The following UTRN variants were observed in gnomAD, a reference collection of about 807,000 sequenced individuals.
UTRN encodes utrophin, also known as dystrophin-related protein 1.
In UTRN, 283 loss-of-function variants were observed where a neutral mutation model predicts 463.9. That is an observed-to-expected ratio of 0.61 (90% CI 0.55 to 0.67). UTRN has a LOEUF of 0.67. UTRN is among the 30% of genes least tolerant of loss of function. UTRN has a pLI of 0.00. For synonymous variants in UTRN, 1,442 were observed against 1,431.5 expected (o/e 1.01, Z -0.17); for missense variants, 3,922 against 4,084.3 (o/e 0.96, Z 1.08).
chr6:144,314,007 A>G (rs1440428369), intron 2 of UTRN, among the ~76,000 whole-genome samples: 1 of 152,198 alleles, frequency 6.6e-6, no homozygotes, highest in African/African-American at 2.4e-5. Flanking sequence ...TTGTAATGAA[A>G]TGGAGTGCTG....
chr6:144,548,945 A>G (rs765957588), intron 47 of UTRN, 91 bp downstream of exon 47: 3 of 1,308,508 alleles, frequency 2.3e-6, no homozygotes, highest in Non-Finnish European at 3.1e-6. Context: ...ATCCTAAACT[A>G]TGAGAGAATG....
intron 10 of UTRN, among the ~76,000 whole-genome samples, chr6:144,436,903 C>T (rs1786609968): frequency 7.3e-6 from 1 of 137,626 alleles, no homozygotes. Context: ...TATATATAAT[C>T]TATTTATATA....
intron 50 of UTRN, among the ~76,000 whole-genome samples, chr6:144,568,460 A>G (rs1229065846): frequency 1.3e-5 from 2 of 152,074 alleles, no homozygotes; most frequent in East Asian, 1.9e-4. Context: ...ATTTTTCTCA[A>G]TACGTCCTCT....
In UTRN at chr6:144,477,339, G is replaced by A. The variant is rs1791325918; in HGVS notation, c.3337-2473G>A. ...AATAAAATGCTTTTGGCTAATGTTT[G>A]TATCAGAAAAATTTATATTTGCATA... On this transcript the variant is annotated intron_variant, in intron 25 of 74. Transcript: ENST00000367545. Among the ~76,000 whole-genome samples, 2 of 152,120 alleles carry A rather than the reference G, an allele frequency of 1.3e-5. 1 individual carries two copies. Among genetic ancestry groups the A allele is most frequent in the Admixed American group, 1.3e-4 (2 of 15,266 alleles).
chr6:144,761,652 A>AAAT lies in UTRN; in HGVS notation c.8495+3681_8495+3683dup, dbSNP rs1225396949. On this transcript the variant is annotated intron_variant, in intron 58 of 74. Transcript: ENST00000367545. ...CAGAGTGAAACTCTGTCTCCTTAAA[A>AAAT]AATAATAATAATAATAATAAATAAA... Among the ~76,000 whole-genome samples, 214 of 151,962 alleles carry AAAT rather than the reference A, an allele frequency of 1.4e-3. 1 individual carries two copies. Among genetic ancestry groups the AAAT allele is most frequent in the African/African-American group, 4.3e-3 (177 of 41,502 alleles).
rs1792921795 is a variant in UTRN at position 144,490,202 on chromosome 6, A to G, written c.4263+3A>G. ...GAAGTCAGATGGATGTGCTACAGGT[A>G]AAGAAGGCCAGGAGCTTCCTTTTAC... On this transcript the variant is annotated splice_donor_region_variant and intron_variant, in intron 31 of 74. Transcript: ENST00000367545. The G allele has an allele frequency of 6.3e-7, 1 of 1,592,408 alleles. No individual in the cohort carries two copies. Among genetic ancestry groups the G allele is most frequent in the Admixed American group, 1.9e-5 (1 of 52,330 alleles).
intron 2 of UTRN, among the ~76,000 whole-genome samples, chr6:144,304,417 G>A (rs548863990): frequency 5.3e-5 from 8 of 152,224 alleles, no homozygotes; most frequent in South Asian, 2.1e-4. Flanking sequence ...TCCAGTTGTC[G>A]ACTGTCTGTC....
At position 144,516,326 on chromosome 6, in the gene UTRN, A is replaced by G. The variant is rs753006650; in HGVS notation, c.5342A>G (p.Asp1781Gly). ...PFSDLEKLEN[D>G]IENMLKFVEK... is the part of the protein sequence containing the mutation. ...TCTGACTTGGAAAAATTAGAAAATG[A>G]CATAGAAAATATGTTAAAATTTGTG... Residue 1781 changes from aspartate (D) to glycine (G), a missense_variant, in exon 38 of 75, where the codon GAC becomes GGC. Physicochemically the swap from Asp to Gly is moderately conservative, Grantham distance 94. Around this residue, in one of 3 missense-constraint regions of UTRN, gnomAD observed 2,349 missense variants for 2,303.8 expected, o/e 1.02. Coordinates refer to ENST00000367545, the MANE Select transcript of UTRN (RefSeq NM_007124.3). 1 of 1,613,778 alleles carries G rather than the reference A, an allele frequency of 6.2e-7. No homozygotes were observed. The highest frequency in any genetic ancestry group is 1.3e-5 in the African/African-American group (1 of 74,912).
chr6:144,567,335 A>G (rs1185255902), intron 50 of UTRN, among the ~76,000 whole-genome samples: 1 of 152,102 alleles, frequency 6.6e-6, no homozygotes, highest in Non-Finnish European at 1.5e-5. Flanking sequence ...TGGAGTTATG[A>G]TTCAATATTG....
At chr6:144,453,632 A>T (rs879198595) in intron 18 of UTRN, 150 bp from the exon 19 acceptor site, 1 of 559,020 alleles carries the variant, frequency 1.8e-6, no homozygotes, top group South Asian at 3.5e-5. Context: ...AAAAGAAACC[A>T]ATGCTTTTTA....
At position 144,768,730 on chromosome 6, in the gene UTRN, A is replaced by G. The variant is rs12663956; in HGVS notation, c.8496-3177A>G. Among the ~76,000 whole-genome samples, 501 of 152,268 alleles carry G rather than the reference A, an allele frequency of 3.3e-3. 19 individuals carry two copies. The East Asian group carries it at 0.078, about 24-fold the overall frequency. On this transcript the variant is annotated intron_variant, in intron 58 of 74. Transcript: ENST00000367545. ...ATGGACAGAAATCATTTGCATTACT[A>G]TCTGTTTTCTTCAGTTTGCAGAGTT...
intron 54 of UTRN, among the ~76,000 whole-genome samples, chr6:144,747,333 G>T (rs554438398): frequency 4.5e-4 from 68 of 152,314 alleles, no homozygotes; most frequent in Non-Finnish European, 9.0e-4. Context: ...GGTATTTTAA[G>T]GTGTAGAAGA....
chr6:144,768,964 T>TTTTTTTTTA (rs1562884837), intron 58 of UTRN, among the ~76,000 whole-genome samples: 1 of 148,134 alleles, frequency 6.8e-6, no homozygotes, highest in African/African-American at 2.6e-5. Context: ...TTTTGTTTTT[T>TTTTTTTTTA]TTTTTTTAAT....
chr6:144,715,192 G>A (rs368076561), intron 53 of UTRN, among the ~76,000 whole-genome samples: 7 of 152,238 alleles, frequency 4.6e-5, no homozygotes, highest in East Asian at 3.9e-4. Context: ...TCTACCCAGC[G>A]TTCTGCATTT....
chr6:144,505,287 T>A (rs1794602961), intron 34 of UTRN, among the ~76,000 whole-genome samples: 1 of 152,218 alleles, frequency 6.6e-6, no homozygotes, highest in African/African-American at 2.4e-5. Flanking sequence ...TCTTGGTTAT[T>A]TCTGTCTTCT....
Position 144,511,781 on chromosome 6 carries a change from A to G in UTRN, c.4944+658A>G, listed in dbSNP as rs576929787. ...TGCTCTGTAAATTTGCATCTCATGG[A>G]AATAGTTACCATTTAATTTTTATAT... On this transcript the variant is annotated intron_variant, in intron 35 of 74. Transcript: ENST00000367545. Among the ~76,000 whole-genome samples, 13 of 152,294 alleles carry G rather than the reference A, an allele frequency of 8.5e-5. No individual in the cohort carries two copies. The South Asian group carries it at 2.3e-3, about 27-fold the overall frequency.
intron 52 of UTRN, among the ~76,000 whole-genome samples, chr6:144,690,029 G>A (rs1783161548): frequency 6.8e-6 from 1 of 146,866 alleles, no homozygotes; most frequent in Non-Finnish European, 1.5e-5. Flanking sequence ...AGGTACTCTG[G>A]TGTCCCAAGC....
intron 51 of UTRN, among the ~76,000 whole-genome samples, chr6:144,646,605 C>T (rs1176704834): frequency 6.6e-6 from 1 of 152,090 alleles, no homozygotes; most frequent in African/African-American, 2.4e-5. Flanking sequence ...TGCCAACATT[C>T]CTTTATTCCC....
intron 51 of UTRN, among the ~76,000 whole-genome samples, chr6:144,631,409 A>G (rs1023310235): frequency 1.3e-5 from 2 of 152,172 alleles, no homozygotes; most frequent in African/African-American, 2.4e-5. Context: ...ATATTGGAGG[A>G]AAGAGAGGGA....
Sources: gnomAD v4.1 joint callset for allele counts (sites outside exome capture counted in the v4.1 genomes callset) on GRCh38, gnomAD v4.1.1 for gene constraint, gnomAD v4.1.1 regional missense constraint, MANE v1.5 for transcripts, NCBI Gene and HGNC (gene_info 2026-07-23, HGNC 2026-07-21) for gene names.